The following NPC1L1 variants were observed in gnomAD, a reference collection of about 807,000 sequenced individuals.
NPC1L1 encodes NPC1 like intracellular cholesterol transporter 1.
NPC1L1 carries 98 observed loss-of-function variants against 117.0 expected under a neutral mutation model. The observed-to-expected ratio is 0.84, with a 90% CI of 0.71 to 0.99. The LOEUF is 0.99. Among genes scored for constraint, NPC1L1 ranks in the 50% least tolerant of loss-of-function variants. NPC1L1 has a pLI of 0.00. For missense variants in NPC1L1, 1,540 were observed against 1,710.0 expected (o/e 0.90, Z 1.75); for synonymous variants, 729 against 727.6 (o/e 1.00, Z -0.03).
chr7:44,532,324 T>A, intron 8 of NPC1L1, 107 bp from the exon 9 acceptor site: 1 of 1,335,264 alleles, frequency 7.5e-7, no homozygotes, highest in Non-Finnish European at 1.1e-6. Context: ...CCCGTGCCAG[T>A]GCCCTCATGG....
chr7:44,522,657 C>T (rs1032070430), intron 10 of NPC1L1, among the ~76,000 whole-genome samples: 7 of 151,998 alleles, frequency 4.6e-5, no homozygotes, highest in Admixed American at 1.3e-4. Context: ...GGTGTACCCC[C>T]AGATGAACAT....
chr7:44,522,710 GA>G (rs1465572926), intron 10 of NPC1L1, among the ~76,000 whole-genome samples: 3 of 152,162 alleles, frequency 2.0e-5, no homozygotes, highest in Middle Eastern at 3.2e-3. Flanking sequence ...GGTGCAAACA[GA>G]AGTACACTTA....
rs1801078372 is a variant in NPC1L1 at position 44,512,881 on chromosome 7, T to C, written c.*566A>G. 1 of 181,462 alleles carries C rather than the reference T, an allele frequency of 5.5e-6. No individual in the cohort carries two copies. Among genetic ancestry groups the C allele is most frequent in the Non-Finnish European group, 1.2e-5 (1 of 84,346 alleles). 11.2% of individuals were successfully genotyped at this position (181,462 alleles called of 1,614,324 possible). ...AGAGCATCCTTCCTGGGCCCTTCTC[T>C]TGCCAGAAAAGGCCGTGGATGGCAG... On this transcript the variant is annotated 3_prime_UTR_variant, in exon 19 of 19. Transcript: ENST00000381160.
intron 14 of NPC1L1, chr7:44,518,650 C>T: frequency 9.2e-7 from 1 of 1,092,886 alleles, no homozygotes; most frequent in Non-Finnish European, 1.2e-6. Flanking sequence ...GCCTGGGTGA[C>T]AGAATGGCAA....
Position 44,515,871 on chromosome 7 carries a change from T to C in NPC1L1, c.3728A>G (p.Asn1243Ser). The change falls in exon 18 of 19, where the codon AAC becomes AGC. Residue 1243 changes from asparagine to serine, a missense_variant. Asn to Ser is a conservative substitution (Grantham distance 46, BLOSUM62 1). This residue lies in a region of NPC1L1 where 742 missense variants were observed against 873.6 expected (regional missense o/e 0.85). Transcript: ENST00000381160. Reference sequence around the variant, plus strand: ...CAGGCCCAGCAGAGTGATCAGGAGGTTGAGGCGGAAGAAGAAGATCTGAAT... The same window carrying C: ...CAGGCCCAGCAGAGTGATCAGGAGGCTGAGGCGGAAGAAGAAGATCTGAAT... Reference protein sequence around the residue: ...QLIQIFFFRLNLLITLLGLLH... With the variant: ...QLIQIFFFRLSLLITLLGLLH... 5 of 1,613,472 alleles carry C rather than the reference T, an allele frequency of 3.1e-6. No homozygotes were observed. Among genetic ancestry groups the C allele is most frequent in the Non-Finnish European group, 4.2e-6 (5 of 1,179,848 alleles).
chr7:44,514,649 C>T (rs1585124661), intron 18 of NPC1L1, among the ~76,000 whole-genome samples: 1 of 151,862 alleles, frequency 6.6e-6, no homozygotes, highest in African/African-American at 2.4e-5. Flanking sequence ...GCCTGGGCAA[C>T]AGAGAGAGAC....
At chr7:44,530,531 T>C (rs1269064504) in intron 10 of NPC1L1, among the ~76,000 whole-genome samples, 2 of 152,088 alleles carry the variant, frequency 1.3e-5, no homozygotes, top group Non-Finnish European at 2.9e-5. Context: ...GTTATAATGG[T>C]AATTTTCTAT....
intron 2 of NPC1L1, among the ~76,000 whole-genome samples, chr7:44,537,182 C>T (rs899614290): frequency 2.6e-5 from 4 of 152,208 alleles, no homozygotes; most frequent in Admixed American, 2.0e-4. Context: ...CCCCCACCCA[C>T]GGAGTGAGTT....
At chr7:44,532,315 C>A in intron 8 of NPC1L1, 98 bp from the exon 9 acceptor site, 2 of 1,452,818 alleles carry the variant, frequency 1.4e-6, no homozygotes, top group Non-Finnish European at 9.6e-7. Context: ...TGTGGGTGGC[C>A]CGTGCCAGTG....
At chr7:44,528,989 T>C (rs2117050700) in intron 10 of NPC1L1, among the ~76,000 whole-genome samples, 1 of 151,614 alleles carries the variant, frequency 6.6e-6, no homozygotes, top group Non-Finnish European at 1.5e-5. Flanking sequence ...GAGAATTGCT[T>C]GAACCCGGGA....
chr7:44,533,300 T>C, intron 8 of NPC1L1, 131 bp downstream of exon 8: 2 of 1,095,158 alleles, frequency 1.8e-6, no homozygotes, highest in Non-Finnish European at 2.7e-6. Flanking sequence ...TAAATATTAC[T>C]CTCCTGGCAC....
chr7:44,521,600 C>T, intron 12 of NPC1L1, 112 bp downstream of exon 12: 3 of 1,541,164 alleles, frequency 1.9e-6, no homozygotes, highest in East Asian at 2.3e-5. Context: ...CCCCGACAGA[C>T]CCTGCAGGAT....
rs1183439595 is a variant in NPC1L1, at chr7:44,521,848, G to T, written c.2829-12C>A. 1 of 1,613,930 alleles carries T rather than the reference G, an allele frequency of 6.2e-7. No homozygotes were observed. Among genetic ancestry groups the T allele is most frequent in the African/African-American group, 1.3e-5 (1 of 74,920 alleles). On this transcript the variant is annotated splice_polypyrimidine_tract_variant and intron_variant, in intron 11 of 18. Transcript: ENST00000381160. ...TGGCCAGGTAAGACCTAAGGGGCAG[G>T]TGGGAGGAAGGGTGAAAAGGCCAGC...
At chr7:44,515,111 C>T (rs112649777) in intron 18 of NPC1L1, among the ~76,000 whole-genome samples, 3,013 of 152,210 alleles carry the variant, frequency 0.02, 39 homozygotes, top group Non-Finnish European at 0.031. Flanking sequence ...GTAATCCTAG[C>T]ACTGTGGAAG....
chr7:44,531,850 A>G lies in NPC1L1; in HGVS notation c.2548-6T>C, dbSNP rs1390893179. 6.4e-7 allele frequency: 1 copy of G among 1,574,714 alleles called. No homozygotes were observed. The highest frequency in any genetic ancestry group is 8.6e-7 in the Non-Finnish European group (1 of 1,159,726). On this transcript the variant is annotated splice_region_variant and splice_polypyrimidine_tract_variant and intron_variant, in intron 9 of 18. Coordinates refer to ENST00000381160, the MANE Select transcript of NPC1L1 (RefSeq NM_001101648.2). ...AGGGCGAGAAACAGCAGCAGCTGAG[A>G]AGGGACCTGCTGCATGAGACCACCC...
intron 14 of NPC1L1, 105 bp downstream of exon 14, chr7:44,520,660 T>C: frequency 9.9e-7 from 1 of 1,014,366 alleles, no homozygotes; most frequent in South Asian, 1.3e-5. Flanking sequence ...GAGAACCTCC[T>C]GACAAAGGAG....
chr7:44,541,187 G>C lies in NPC1L1; in HGVS notation c.54+19C>G, dbSNP rs1236382111. On this transcript the variant is annotated intron_variant, in intron 1 of 18. Coordinates refer to ENST00000381160, the MANE Select transcript of NPC1L1 (RefSeq NM_001101648.2). ...AACTGGAGGCCGCAGGGGAGGTGGA[G>C]CCAAGCCCTGGGACTCACCAAGCGC... 6.5e-7 allele frequency: 1 copy of C among 1,549,354 alleles called. No homozygotes were observed. Among genetic ancestry groups the C allele is most frequent in the Admixed American group, 2.0e-5 (1 of 50,982 alleles).
intron 15 of NPC1L1, 37 bp downstream of exon 15, chr7:44,517,169 AC>A: frequency 6.2e-7 from 1 of 1,612,596 alleles, no homozygotes. Context: ...CAGCAACCAT[AC>A]CCCACCTCCC....
chr7:44,540,542 G>A (rs1802067381), intron 1 of NPC1L1, among the ~76,000 whole-genome samples, 200 bp from the exon 2 acceptor site: 1 of 152,044 alleles, frequency 6.6e-6, no homozygotes, highest in Non-Finnish European at 1.5e-5. Context: ...TTCTTCCTGG[G>A]GGTGGCCTGA....
Sources: allele counts gnomAD v4.1 joint callset (sites outside exome capture counted in the v4.1 genomes callset), GRCh38; gene constraint gnomAD v4.1.1; regional missense constraint gnomAD v4.1.1; transcripts MANE v1.5; gene names NCBI Gene and HGNC (gene_info 2026-07-23, HGNC 2026-07-21).